Variants in GRHL3 observed in about 807,000 individuals in gnomAD.
GRHL3 encodes the protein grainyhead like transcription factor 3.
A neutral mutation model predicts 70.3 loss-of-function variants in GRHL3; 20 were observed. The ratio of observed to expected loss-of-function variants is 0.28; its 90% CI spans 0.20 to 0.41. The LOEUF (loss-of-function observed/expected upper bound fraction) is 0.41, where lower values mean the gene tolerates loss of function less well. GRHL3 is among the 10% of genes least tolerant of loss of function. The pLI, the probability that GRHL3 is intolerant of heterozygous loss-of-function variation, is 1.00. For synonymous variants in GRHL3, 299 were observed against 299.9 expected (o/e 1.00, Z 0.03); for missense variants, 637 against 762.3 (o/e 0.84, Z 1.94).
chr1:24,355,015 C>T lies in GRHL3; in HGVS notation c.*527C>T, dbSNP rs1378584418. On this transcript the variant is annotated 3_prime_UTR_variant, in exon 16 of 16. Coordinates refer to ENST00000361548, the MANE Select transcript of GRHL3 (RefSeq NM_198173.3). ...TATTGGAGTCTCTTTCTCAGACTTC[C>T]TCAGCGCAGGATGTAAATAGCACTA... 1.3e-5 allele frequency: 2 copies of T among 153,676 alleles called. No homozygotes were observed. The highest frequency in any genetic ancestry group is 4.8e-5 in the African/African-American group (2 of 41,430). The allele number at this position is 153,676 out of a possible 1,614,324, so 9.5% of individuals were successfully genotyped here.
downstream of GRHL3, among the ~76,000 whole-genome samples, chr1:24,356,441 G>A (rs941702119): frequency 4.7e-5 from 7 of 150,360 alleles, no homozygotes; most frequent in Non-Finnish European, 1.0e-4. Flanking sequence ...GGGTTTCACC[G>A]TGTTAGCCAG....
chr1:24,342,335 C>G lies in GRHL3; in HGVS notation c.1206+62C>G. The G allele has an allele frequency of 7.1e-7, 1 of 1,400,876 alleles. No homozygotes were observed. The highest frequency in any genetic ancestry group is 2.3e-5 in the East Asian group (1 of 43,430). The allele number at this position is 1,400,876 out of a possible 1,614,324, so 86.8% of individuals were successfully genotyped here. A position where few individuals can be genotyped will look rare whatever the true frequency, so the allele number is the denominator to read the frequency against. ...GGAGGTAGAAGGGCCAAACCCTGAC[C>G]CGTGCGTCCTCCTAGCTTCTCTGGG... On this transcript the variant is annotated intron_variant, in intron 9 of 15. Coordinates refer to ENST00000361548, the MANE Select transcript of GRHL3 (RefSeq NM_198173.3). The surrounding 1 kb of genome is among the most constrained non-coding windows in gnomAD (Gnocchi z 4.8).
intron 5 of GRHL3, 159 bp from the exon 6 acceptor site, chr1:24,337,477 A>G (rs1030152530): frequency 4.2e-6 from 3 of 713,872 alleles, no homozygotes; most frequent in Non-Finnish European, 2.3e-6. Flanking sequence ...ATTAAATAGA[A>G]CCCCCAAATT....
At chr1:24,358,510 G>T, downstream of GRHL3, 1 of 1,568,210 alleles carries the variant, frequency 6.4e-7, no homozygotes, top group Non-Finnish European at 8.8e-7. Context: ...GTGGGCTGGT[G>T]GCTGGAGTTC....
At chr1:24,329,769 A>G (rs1639533499) in intron 1 of GRHL3, among the ~76,000 whole-genome samples, 1 of 152,236 alleles carries the variant, frequency 6.6e-6, no homozygotes, top group African/African-American at 2.4e-5. Context: ...AAAGGGAGGC[A>G]CTGGGAAACC....
At chr1:24,360,182 C>T (rs1357939443), downstream of GRHL3, among the ~76,000 whole-genome samples, 2 of 152,204 alleles carry the variant, frequency 1.3e-5, no homozygotes, top group Non-Finnish European at 2.9e-5. Flanking sequence ...CAGTGGCTCA[C>T]GCCTGTAATC....
In GRHL3 at chr1:24,319,524, C is replaced by G; in HGVS notation, c.-28C>G. On this transcript the variant is annotated 5_prime_UTR_variant, in exon 1 of 16. Coordinates refer to ENST00000361548, the MANE Select transcript of GRHL3 (RefSeq NM_198173.3). ...ACAAGCGGTCAGCAGAGCCTCAGTG[C>G]TGATCGTCGGAGCTTGGGAGCAGGA... The G allele has an allele frequency of 6.2e-7, 1 of 1,605,700 alleles. No homozygotes were observed. The highest frequency in any genetic ancestry group is 1.1e-5 in the South Asian group (1 of 90,930).
chr1:24,337,534 C>G, intron 5 of GRHL3, 102 bp from the exon 6 acceptor site: 1 of 1,251,586 alleles, frequency 8.0e-7, no homozygotes, highest in South Asian at 1.4e-5. Flanking sequence ...CAAGGTCAAA[C>G]AGCAAGTCTG....
At position 24,350,057 on chromosome 1, in the gene GRHL3, G is replaced by C; in HGVS notation, c.1630-1G>C. 1 of 1,612,180 alleles carries C rather than the reference G, an allele frequency of 6.2e-7. No homozygotes were observed. The highest frequency in any genetic ancestry group is 8.5e-7 in the Non-Finnish European group (1 of 1,178,508). On this transcript the variant is annotated splice_acceptor_variant, in intron 14 of 15. Coordinates refer to ENST00000361548, the MANE Select transcript of GRHL3 (RefSeq NM_198173.3). LOFTEE classifies it high-confidence loss of function. Reference sequence around the variant, plus strand: ...ATGAATCACCTGTCTTTTCCTTCCAGATCTCTGAGAAGTATGGGTTCCCTG... The same window carrying C: ...ATGAATCACCTGTCTTTTCCTTCCACATCTCTGAGAAGTATGGGTTCCCTG...
At chr1:24,339,865 C>G (rs555090204) in intron 8 of GRHL3, 103 bp downstream of exon 8, 1 of 675,442 alleles carries the variant, frequency 1.5e-6, no homozygotes, top group East Asian at 2.7e-5. Context: ...TTTGCTCCGA[C>G]GAGGGCACTC....
chr1:24,332,881 G>A (rs976092634), intron 2 of GRHL3, among the ~76,000 whole-genome samples: 1 of 152,182 alleles, frequency 6.6e-6, no homozygotes, highest in African/African-American at 2.4e-5. Context: ...GAGTGGTCTG[G>A]TTACCCTACC....
Position 24,337,808 on chromosome 1 carries a change from G to A in GRHL3, c.840+19G>A. On this transcript the variant is annotated intron_variant, in intron 6 of 15. Coordinates refer to ENST00000361548, the MANE Select transcript of GRHL3 (RefSeq NM_198173.3). ...AGTCAAGGTGCGTTGGCCTGGAGCA[G>A]CTTCAGAAGGGGTGGAATGGGGCAA... is the stretch of plus-strand genomic sequence containing the variant. 1.2e-6 allele frequency: 2 copies of A among 1,613,920 alleles called. No individual in the cohort carries two copies. The highest frequency in any genetic ancestry group is 1.7e-6 in the Non-Finnish European group (2 of 1,179,952).
chr1:24,327,196 T>G (rs1198176499), intron 1 of GRHL3, among the ~76,000 whole-genome samples: 1 of 152,202 alleles, frequency 6.6e-6, no homozygotes, highest in African/African-American at 2.4e-5. Flanking sequence ...AACCCTACTG[T>G]AAAGTAGCCA....
At chr1:24,347,599 G>T (rs1292615699) in intron 14 of GRHL3, 46 bp downstream of exon 14, 1 of 1,424,666 alleles carries the variant, frequency 7.0e-7, no homozygotes, top group African/African-American at 1.4e-5. Flanking sequence ...CCCCCTCTAG[G>T]CTCCTGTCCC....
chr1:24,329,860 T>C (rs1639536827), intron 1 of GRHL3, among the ~76,000 whole-genome samples: 1 of 152,224 alleles, frequency 6.6e-6, no homozygotes, highest in Non-Finnish European at 1.5e-5. Context: ...CACTCTTTGC[T>C]CTAAATTGAA....
Position 24,346,577 on chromosome 1 carries a change from G to T in GRHL3, c.1479G>T (p.Ser493=). The change falls in exon 13 of 16, where the codon TCG becomes TCT. Residue 493 remains serine (S), a synonymous_variant. Transcript: ENST00000361548. ...GGCTGCCTCTGAAGCGTACCTGCTC[G>T]CCCTTCACTGAGGAGTTTGAGCCTC... The part of the protein sequence containing the change: ...SNRLPLKRTC[S]PFTEEFEPLP... 1 of 1,613,070 alleles carries T rather than the reference G, an allele frequency of 6.2e-7. No individual in the cohort carries two copies.
At chr1:24,352,203 G>C (rs1282977151) in intron 15 of GRHL3, among the ~76,000 whole-genome samples, 4 of 151,468 alleles carry the variant, frequency 2.6e-5, no homozygotes, top group East Asian at 1.9e-4. Flanking sequence ...GAGAGGAGAG[G>C]CCAGGCTCAT....
Position 24,338,273 on chromosome 1 carries a change from GC to G in GRHL3, c.952+171del, listed in dbSNP as rs1250603475. ...TTGCATCTGTTGACTAGAAGTTGTG[GC>G]GTCTTTTCTGTATTGCTTTGGGATA... On this transcript the variant is annotated intron_variant, in intron 7 of 15. Coordinates refer to ENST00000361548, the MANE Select transcript of GRHL3 (RefSeq NM_198173.3). Among the ~76,000 whole-genome samples, 3 of 152,336 alleles carry G rather than the reference GC, an allele frequency of 2.0e-5. 1 individual carries two copies. The highest frequency in any genetic ancestry group is 1.9e-4 in the East Asian group (1 of 5,194).
Position 24,331,484 on chromosome 1 carries a change from A to G in GRHL3, c.76A>G (p.Thr26Ala), listed in dbSNP as rs781059697. 1.5e-5 allele frequency: 25 copies of G among 1,613,998 alleles called. No homozygotes were observed. In the South Asian group the frequency reaches 2.2e-4, roughly 14 times the overall value. ...AGTCAACTTGCAGAAATTCTCTTACACTAGTGAGGATGAGGCCTGGAAGAC... is the reference window on the plus strand; with the variant it reads ...AGTCAACTTGCAGAAATTCTCTTACGCTAGTGAGGATGAGGCCTGGAAGAC... ...DPVNLQKFSY[T>A]SEDEAWKTYL... Residue 26 changes from threonine to alanine, a missense_variant, in exon 2 of 16, where the codon ACT becomes GCT. By Grantham distance (58) the Thr-to-Ala change is moderately conservative. This residue lies in a region of GRHL3 where 250 missense variants were observed against 248.6 expected (regional missense o/e 1.01). Coordinates refer to ENST00000361548, the MANE Select transcript of GRHL3 (RefSeq NM_198173.3).
Sources: allele counts gnomAD v4.1 joint callset (sites outside exome capture counted in the v4.1 genomes callset), GRCh38; gene constraint gnomAD v4.1.1; regional missense constraint gnomAD v4.1.1; non-coding constraint Gnocchi (gnomAD v3.1); transcripts MANE v1.5; gene names NCBI Gene and HGNC (gene_info 2026-07-23, HGNC 2026-07-21).